SGCZ: variants seen among roughly 807,000 people sequenced by gnomAD.
SGCZ encodes the protein sarcoglycan zeta.
A neutral mutation model predicts 41.3 loss-of-function variants in SGCZ; 40 were observed. The observed-to-expected ratio is 0.97, with a 90% confidence interval of 0.75 to 1.26. The LOEUF (loss-of-function observed/expected upper bound fraction) is 1.26. Ranked by LOEUF, SGCZ falls within the 50% of genes most tolerant of loss-of-function variation. The pLI is 0.00. For synonymous variants in SGCZ, 206 were observed against 137.5 expected (o/e 1.50, Z -3.49); for missense variants, 552 against 369.8 (o/e 1.49, Z -4.04).
intron 5 of SGCZ, among the ~76,000 whole-genome samples, chr8:14,146,890 A>AAATAATAAT (rs1554467202): frequency 1.7e-5 from 2 of 116,186 alleles, no homozygotes; most frequent in African/African-American, 7.2e-5. Flanking sequence ...AAAATAAAAA[A>AAATAATAAT]AATAATAATA....
intron 1 of SGCZ, among the ~76,000 whole-genome samples, chr8:14,733,194 G>T (rs1468513799): frequency 6.6e-6 from 1 of 152,006 alleles, no homozygotes; most frequent in Non-Finnish European, 1.5e-5. Flanking sequence ...ACTGCCCCAG[G>T]GCCAGGTACC....
intron 1 of SGCZ, among the ~76,000 whole-genome samples, chr8:14,585,603 A>T (rs184105377): frequency 7.2e-4 from 109 of 152,274 alleles, no homozygotes; most frequent in African/African-American, 2.6e-3. Flanking sequence ...TTTTACTCTC[A>T]GCCTACAAAG....
chr8:15,212,233 T>C (rs1340858375), intron 1 of SGCZ, among the ~76,000 whole-genome samples: 1 of 152,172 alleles, frequency 6.6e-6, no homozygotes, highest in East Asian at 1.9e-4. Flanking sequence ...GTTGTTCTTA[T>C]AATGATTTAG....
At chr8:14,697,789 A>C (rs1809012303) in intron 1 of SGCZ, among the ~76,000 whole-genome samples, 1 of 152,002 alleles carries the variant, frequency 6.6e-6, no homozygotes, top group South Asian at 2.1e-4. Flanking sequence ...TCCAAAAATC[A>C]TATTTTATAT....
chr8:14,856,853 TC>T, intron 1 of SGCZ, among the ~76,000 whole-genome samples: 1 of 152,258 alleles, frequency 6.6e-6, no homozygotes, highest in Non-Finnish European at 1.5e-5. Context: ...CCTCACTATT[TC>T]TGAACATTCA....
chr8:14,258,197 T>G (rs560548041), intron 3 of SGCZ, among the ~76,000 whole-genome samples: 2 of 152,142 alleles, frequency 1.3e-5, no homozygotes, highest in South Asian at 4.2e-4. Flanking sequence ...TATCTAAATA[T>G]AAACAAAATT....
chr8:14,225,292 T>A (rs757871525), intron 4 of SGCZ, among the ~76,000 whole-genome samples: 1 of 152,108 alleles, frequency 6.6e-6, no homozygotes, highest in East Asian at 1.9e-4. Flanking sequence ...AATGATCTGC[T>A]GTTTATGTGT....
intron 1 of SGCZ, among the ~76,000 whole-genome samples, chr8:14,895,415 T>C (rs1366849517): frequency 6.6e-6 from 1 of 152,144 alleles, no homozygotes; most frequent in Non-Finnish European, 1.5e-5. Context: ...GTGTGTTTTT[T>C]TGGGGGTGAT....
At chr8:14,129,345 CAAAAAAAAAAAAAA>C (rs534660638) in intron 5 of SGCZ, among the ~76,000 whole-genome samples, 4 of 44,114 alleles carry the variant, frequency 9.1e-5, no homozygotes, top group Admixed American at 7.3e-4. Flanking sequence ...GACTCCGTCT[CAAAAAAAAAAAAAA>C]AAAAAAAAAA....
chr8:14,612,473 T>C (rs189819222), intron 1 of SGCZ, among the ~76,000 whole-genome samples: 123 of 152,284 alleles, frequency 8.1e-4, no homozygotes, highest in African/African-American at 2.8e-3. Context: ...CTTTATAACT[T>C]ACCCAGACTC....
At chr8:14,455,357 A>C (rs1800710338) in intron 2 of SGCZ, among the ~76,000 whole-genome samples, 1 of 152,174 alleles carries the variant, frequency 6.6e-6, no homozygotes, top group South Asian at 2.1e-4. Flanking sequence ...AAAAATTTAA[A>C]CTGTCCTAGT....
At position 14,106,459 on chromosome 8, in the gene SGCZ, T is replaced by G. The variant is rs903212590; in HGVS notation, c.620+1704A>C. Among the ~76,000 whole-genome samples the G allele has an allele frequency of 5.0e-4, 73 of 144,758 alleles. 1 individual carries two copies. Among genetic ancestry groups the G allele is most frequent in the Non-Finnish European group, 2.4e-4 (16 of 66,338 alleles). The allele number at this position is 144,758 out of a possible 152,430, so 95.0% of individuals were successfully genotyped here. A position where few individuals can be genotyped will look rare whatever the true frequency, so the allele number is the denominator to read the frequency against. The stretch of plus-strand genomic sequence containing the variant: ...GTCTTAGTCCTTGAAGAAGGCCACT[T>G]TTTTTCCTAATAAATATTGTTCCCT... On this transcript the variant is annotated intron_variant, in intron 6 of 7. Transcript: ENST00000382080.
At chr8:14,612,676 T>G (rs2117344272) in intron 1 of SGCZ, among the ~76,000 whole-genome samples, 1 of 151,636 alleles carries the variant, frequency 6.6e-6, no homozygotes, top group African/African-American at 2.4e-5. Context: ...TTTTTGTTTT[T>G]TTGTTTTGTT....
chr8:14,625,305 G>A (rs1433776317), intron 1 of SGCZ, among the ~76,000 whole-genome samples: 1 of 152,076 alleles, frequency 6.6e-6, no homozygotes, highest in African/African-American at 2.4e-5. Context: ...GGATCATCTA[G>A]TGACATTTTT....
At chr8:14,755,963 A>G (rs1370883277) in intron 1 of SGCZ, among the ~76,000 whole-genome samples, 1 of 152,194 alleles carries the variant, frequency 6.6e-6, no homozygotes, top group Non-Finnish European at 1.5e-5. Context: ...ATAAATACAT[A>G]AATATGTAGT....
intron 1 of SGCZ, among the ~76,000 whole-genome samples, chr8:15,068,333 C>A (rs577616168): frequency 5.3e-5 from 8 of 152,264 alleles, no homozygotes; most frequent in African/African-American, 1.9e-4. Context: ...TATCTCTTTT[C>A]AGTGAGGCCC....
intron 2 of SGCZ, among the ~76,000 whole-genome samples, chr8:14,380,242 T>G (rs572520975): frequency 6.6e-6 from 1 of 152,322 alleles, no homozygotes; most frequent in African/African-American, 2.4e-5. Flanking sequence ...TTTTGGTTAT[T>G]ATAGTACAGA....
At chr8:14,959,546 C>A (rs1800898021) in intron 1 of SGCZ, among the ~76,000 whole-genome samples, 1 of 152,136 alleles carries the variant, frequency 6.6e-6, no homozygotes, top group Admixed American at 6.6e-5. Context: ...AATCATTTAA[C>A]AATAGCTAAT....
At chr8:15,091,715 T>C (rs1008488685) in intron 1 of SGCZ, among the ~76,000 whole-genome samples, 1 of 152,164 alleles carries the variant, frequency 6.6e-6, no homozygotes, top group African/African-American at 2.4e-5. Context: ...TTATAGACAT[T>C]ATAGCAAAAG....
Sources: allele counts gnomAD v4.1 joint callset (sites outside exome capture counted in the v4.1 genomes callset), GRCh38; gene constraint gnomAD v4.1.1; transcripts MANE v1.5; gene names NCBI Gene and HGNC (gene_info 2026-07-23, HGNC 2026-07-21).